The following PTK2B variants were observed in gnomAD, a reference collection of about 807,000 sequenced individuals.
PTK2B encodes the protein protein tyrosine kinase 2 beta, also known as protein-tyrosine kinase 2-beta.
In PTK2B, 71 loss-of-function variants were observed where a neutral mutation model predicts 142.9. That is an observed-to-expected ratio of 0.50 (90% CI 0.41 to 0.61). PTK2B has a LOEUF of 0.61. Ranked by LOEUF, PTK2B falls within the 20% of genes least tolerant of loss-of-function variation. PTK2B has a pLI of 0.00. For synonymous variants in PTK2B, 519 were observed against 503.4 expected, an observed-to-expected ratio of 1.03 and a Z score of -0.42; for missense variants, 1,105 against 1,320.4, an observed-to-expected ratio of 0.84 and a Z score of 2.53.
chr8:27,329,333 G>C (rs985227168), intron 1 of PTK2B, among the ~76,000 whole-genome samples: 1 of 152,102 alleles, frequency 6.6e-6, no homozygotes, highest in Non-Finnish European at 1.5e-5. Flanking sequence ...ATGTTTCATC[G>C]TGCAGAGGAC....
intron 2 of PTK2B, among the ~76,000 whole-genome samples, chr8:27,398,337 T>C (rs1808188429): frequency 6.6e-6 from 1 of 152,138 alleles, no homozygotes; most frequent in South Asian, 2.1e-4. Context: ...CTACCCAGAA[T>C]CACAACATCT....
At position 27,431,463 on chromosome 8, in the gene PTK2B, G is replaced by A. The variant is rs774137062; in HGVS notation, c.876G>A (p.Gln292=). 8 of 1,614,148 alleles carry A rather than the reference G, an allele frequency of 5.0e-6. No homozygotes were observed. Among genetic ancestry groups the A allele is most frequent in the Admixed American group, 3.3e-5 (2 of 60,034 alleles). Reference sequence around the variant, plus strand: ...AAGGGATCCGCCAGCTGACTAGTCAGGACGCAAAGGTAGAGAGACCCGGGG... The same window carrying A: ...AAGGGATCCGCCAGCTGACTAGTCAAGACGCAAAGGTAGAGAGACCCGGGG... The part of the protein sequence containing the change: ...GPKGIRQLTS[Q]DAKPTCLAEF... The change falls in exon 9 of 31, where the codon CAG becomes CAA. Residue 292 remains glutamine (Q), a synonymous_variant. Coordinates refer to ENST00000346049, the MANE Select transcript of PTK2B (RefSeq NM_173176.3).
chr8:27,457,968 T>C (rs1249176551), intron 30 of PTK2B, among the ~76,000 whole-genome samples: 7 of 79,694 alleles, frequency 8.8e-5, no homozygotes, highest in African/African-American at 3.4e-4. Context: ...GGAACAAAAC[T>C]CAGTCTCAAA....
intron 30 of PTK2B, 148 bp downstream of exon 30, chr8:27,454,759 C>A: frequency 2.5e-6 from 2 of 811,592 alleles, no homozygotes; most frequent in South Asian, 1.6e-5. Flanking sequence ...TATCCATCAG[C>A]TACCACCAGA....
chr8:27,412,641 C>T (rs1237986025), intron 2 of PTK2B, among the ~76,000 whole-genome samples: 1 of 152,100 alleles, frequency 6.6e-6, no homozygotes, highest in East Asian at 1.9e-4. Flanking sequence ...TAGAAAGCTC[C>T]CAAGGTCTTC....
intron 21 of PTK2B, among the ~76,000 whole-genome samples, chr8:27,440,705 C>G (rs1389717322): frequency 6.6e-6 from 1 of 152,224 alleles, no homozygotes; most frequent in Non-Finnish European, 1.5e-5. Flanking sequence ...CTAGGTTAGA[C>G]TCAAAAGCCT....
At chr8:27,435,864 A>C in intron 14 of PTK2B, 71 bp downstream of exon 14, 2 of 1,519,076 alleles carry the variant, frequency 1.3e-6, no homozygotes, top group Non-Finnish European at 1.8e-6. Flanking sequence ...GACTCTGGTG[A>C]CACCACAGGG....
At chr8:27,311,345 T>G, upstream of PTK2B, 1 of 1,320,654 alleles carries the variant, frequency 7.6e-7, no homozygotes, top group Non-Finnish European at 1.0e-6. Flanking sequence ...TCCCTTCCCC[T>G]GGAACGCTGA....
intron 1 of PTK2B, among the ~76,000 whole-genome samples, chr8:27,386,136 T>A (rs1807338264): frequency 6.6e-6 from 1 of 152,230 alleles, no homozygotes; most frequent in Non-Finnish European, 1.5e-5. Flanking sequence ...TTAACATTTT[T>A]ATATAAATCT....
At chr8:27,398,190 G>A (rs1324133999) in intron 2 of PTK2B, among the ~76,000 whole-genome samples, 4 of 152,202 alleles carry the variant, frequency 2.6e-5, no homozygotes, top group African/African-American at 9.7e-5. Context: ...AACAAAACTG[G>A]TATAAGCCTT....
At chr8:27,317,860 G>A (rs904166291) in intron 3 of PTK2B, among the ~76,000 whole-genome samples, 3 of 152,186 alleles carry the variant, frequency 2.0e-5, no homozygotes, top group Non-Finnish European at 4.4e-5. Context: ...CACTGGAGTG[G>A]TACAGGAATA....
chr8:27,397,892 C>G, intron 2 of PTK2B, 104 bp downstream of exon 2: 2 of 1,336,622 alleles, frequency 1.5e-6, no homozygotes, highest in South Asian at 2.6e-5. Context: ...ATATCCACCC[C>G]TGGGTGGAAG....
chr8:27,318,235 T>A (rs1014000589), intron 3 of PTK2B, among the ~76,000 whole-genome samples: 4 of 152,242 alleles, frequency 2.6e-5, no homozygotes, highest in Non-Finnish European at 5.9e-5. Flanking sequence ...TGCATTTGCC[T>A]GCAGCAATCT....
chr8:27,324,375 G>A (rs996915174), upstream of PTK2B, among the ~76,000 whole-genome samples: 7 of 152,386 alleles, frequency 4.6e-5, no homozygotes, highest in African/African-American at 1.7e-4. Flanking sequence ...CCATCAATGG[G>A]TTGTGAGCCC....
At chr8:27,352,387 G>T (rs145163489) in intron 1 of PTK2B, among the ~76,000 whole-genome samples, 69 of 152,308 alleles carry the variant, frequency 4.5e-4, no homozygotes, top group African/African-American at 1.6e-3. Context: ...AAAAGCAAAA[G>T]ACAGGAAAAG....
rs1811801770 is a variant in PTK2B, at chr8:27,451,385, T to G, written c.2524-100T>G. 3 of 1,566,956 alleles carry G rather than the reference T, an allele frequency of 1.9e-6. No individual in the cohort carries two copies. The African/African-American group carries it at 4.0e-5, about 21-fold the overall frequency. Reference sequence around the variant, plus strand: ...CCCCCGACCCCATGGCTGTAATCTCTAAACACACAGTGGAGGGACTGGGGA... The same window carrying G: ...CCCCCGACCCCATGGCTGTAATCTCGAAACACACAGTGGAGGGACTGGGGA... On this transcript the variant is annotated intron_variant, in intron 26 of 30. Coordinates refer to ENST00000346049, the MANE Select transcript of PTK2B (RefSeq NM_173176.3).
intron 28 of PTK2B, 79 bp downstream of exon 28, chr8:27,453,239 C>G (rs1301537503): frequency 3.2e-6 from 5 of 1,555,184 alleles, no homozygotes; most frequent in Middle Eastern, 1.7e-4. Context: ...ATGAAAGATT[C>G]ACAGTTCTCA....
At chr8:27,434,157 C>A (rs373628506) in intron 12 of PTK2B, 25 bp downstream of exon 12, 2 of 1,611,650 alleles carry the variant, frequency 1.2e-6, no homozygotes, top group Non-Finnish European at 8.5e-7. Context: ...GTGCAGAGGA[C>A]AGGGCCCTGA....
rs1295198263 is a variant in PTK2B at position 27,420,690 on chromosome 8, C to G, written c.417C>G (p.Asp139Glu). 6.2e-7 allele frequency: 1 copy of G among 1,614,172 alleles called. No individual in the cohort carries two copies. Among genetic ancestry groups the G allele is most frequent in the South Asian group, 1.1e-5 (1 of 91,086 alleles). The change falls in exon 4 of 31, where the codon GAC (aspartate) becomes GAG (glutamate). Residue 139 changes from aspartate to glutamate, a missense_variant. By Grantham distance (45) the Asp-to-Glu change is conservative (BLOSUM62 2). Transcript: ENST00000346049. The part of the protein sequence containing the change: ...YDLQIRYLPE[D>E]FMESLKEDRT... ...TTCAAATCCGCTACTTGCCAGAAGA[C>G]TTCATGGAGAGCCTGAAGGAGGACA... is the stretch of plus-strand genomic sequence containing the variant.
Sources: gnomAD v4.1 joint callset for allele counts (sites outside exome capture counted in the v4.1 genomes callset) on GRCh38, gnomAD v4.1.1 for gene constraint, MANE v1.5 for transcripts, NCBI Gene and HGNC (gene_info 2026-07-23, HGNC 2026-07-21) for gene names.